CNTNAP2: variants seen among roughly 807,000 people sequenced by gnomAD.
CNTNAP2 encodes contactin associated protein 2, also known as contactin-associated protein-like 2.
Under a neutral mutation model 155.2 loss-of-function variants are expected in CNTNAP2, and 98 were observed. The observed-to-expected ratio is 0.63, with a 90% CI of 0.54 to 0.75. The LOEUF is 0.75. CNTNAP2 is among the 30% of genes least tolerant of loss of function. The pLI is 0.00. For synonymous variants in CNTNAP2, 651 were observed against 631.2 expected, an observed-to-expected ratio of 1.03 and a Z score of -0.47; for missense variants, 1,727 against 1,688.1, an observed-to-expected ratio of 1.02 and a Z score of -0.40.
intron 1 of CNTNAP2, among the ~76,000 whole-genome samples, chr7:146,566,523 G>A (rs1215545979): frequency 6.6e-6 from 1 of 151,838 alleles, no homozygotes; most frequent in African/African-American, 2.4e-5. Flanking sequence ...GTGAAACCCC[G>A]TCTCTACTAA....
At chr7:146,214,404 A>T (rs897240058) in intron 1 of CNTNAP2, among the ~76,000 whole-genome samples, 1 of 152,232 alleles carries the variant, frequency 6.6e-6, no homozygotes, top group African/African-American at 2.4e-5. Flanking sequence ...GTTTACATTT[A>T]CATACCTGGC....
intron 1 of CNTNAP2, among the ~76,000 whole-genome samples, chr7:146,154,209 A>G (rs749760929): frequency 6.6e-6 from 1 of 152,218 alleles, no homozygotes; most frequent in Non-Finnish European, 1.5e-5. Flanking sequence ...CTTCTAAAAT[A>G]GTGAAGTAAC....
chr7:146,946,051 A>AGGAAGG (rs1797163788), intron 3 of CNTNAP2, among the ~76,000 whole-genome samples: 1 of 151,194 alleles, frequency 6.6e-6, no homozygotes, highest in Non-Finnish European at 1.5e-5. Context: ...AAGATACTGA[A>AGGAAGG]AAGGAGACCC....
At chr7:146,608,809 C>G (rs1464520686) in intron 1 of CNTNAP2, among the ~76,000 whole-genome samples, 1 of 151,922 alleles carries the variant, frequency 6.6e-6, no homozygotes, top group Non-Finnish European at 1.5e-5. Context: ...GATGATCTCC[C>G]TTTTTTCTGT....
chr7:146,366,543 A>T (rs997874357), intron 1 of CNTNAP2, among the ~76,000 whole-genome samples: 12 of 152,166 alleles, frequency 7.9e-5, no homozygotes, highest in African/African-American at 2.9e-4. Flanking sequence ...ATCCTGCACA[A>T]AAAGTATTTT....
chr7:148,147,731 A>G (rs779760137), intron 17 of CNTNAP2, 22 bp downstream of exon 17: 24 of 1,606,082 alleles, frequency 1.5e-5, no homozygotes, highest in Admixed American at 8.4e-5. Context: ...AAAGGTAACC[A>G]TGGCTTCCCT....
intron 10 of CNTNAP2, among the ~76,000 whole-genome samples, chr7:147,437,895 A>C (rs939103000): frequency 1.3e-5 from 2 of 151,952 alleles, no homozygotes; most frequent in Non-Finnish European, 2.9e-5. Context: ...CATTATAGAG[A>C]TCTTTCATTT....
In CNTNAP2 at chr7:146,352,954, C is replaced by CAG. The variant is rs1180258504; in HGVS notation, c.97+235981_97+235982insAG. On this transcript the variant is annotated intron_variant, in intron 1 of 23. Coordinates refer to ENST00000361727, the MANE Select transcript of CNTNAP2 (RefSeq NM_014141.6). ...TATTTTTAGTAGAGACAGGATTTCACCCTGTTAGCCAGGATGGTCTCGATC... is the reference window on the plus strand; with the variant it reads ...TATTTTTAGTAGAGACAGGATTTCACAGCCTGTTAGCCAGGATGGTCTCGATC... Among the ~76,000 whole-genome samples, 13 of 151,640 alleles carry CAG rather than the reference C, an allele frequency of 8.6e-5. 1 individual carries two copies. The South Asian group carries it at 2.7e-3, about 32-fold the overall frequency.
chr7:146,941,865 T>A (rs1188865858), intron 3 of CNTNAP2, among the ~76,000 whole-genome samples: 4 of 152,030 alleles, frequency 2.6e-5, no homozygotes, highest in Non-Finnish European at 2.9e-5. Flanking sequence ...TCCAGTTAGG[T>A]ATATTGGAAC....
intron 1 of CNTNAP2, among the ~76,000 whole-genome samples, chr7:146,453,398 A>G (rs1796510402): frequency 1.3e-5 from 2 of 152,194 alleles, no homozygotes; most frequent in South Asian, 4.1e-4. Flanking sequence ...TCTGATCTCA[A>G]CTAACAACTT....
chr7:148,061,803 C>T (rs1029070633), intron 15 of CNTNAP2, among the ~76,000 whole-genome samples: 12 of 129,334 alleles, frequency 9.3e-5, no homozygotes, highest in Admixed American at 4.2e-4. Flanking sequence ...CTTGCTTTTA[C>T]ATGTGTGCAT....
chr7:147,810,055 A>G (rs947687255), intron 13 of CNTNAP2, among the ~76,000 whole-genome samples: 48 of 152,222 alleles, frequency 3.2e-4, no homozygotes, highest in Admixed American at 1.3e-3. Context: ...TGTGTGCTTA[A>G]AAAGAGTAAA....
In CNTNAP2 at chr7:147,488,546, A is replaced by AT. The variant is rs34680301; in HGVS notation, c.1777+2514dup. On this transcript the variant is annotated intron_variant, in intron 11 of 23. Coordinates refer to ENST00000361727, the MANE Select transcript of CNTNAP2 (RefSeq NM_014141.6). The stretch of plus-strand genomic sequence containing the variant: ...AATCATGCTAATTATTTTAAATAGT[A>AT]TTTTTTTTTAAAAAAAGCAGCTAAC... 2.2e-3 allele frequency among the ~76,000 whole-genome samples: 316 copies of AT among 140,664 alleles called. 2 individuals carry two copies. Among genetic ancestry groups the AT allele is most frequent in the South Asian group, 0.017 (76 of 4,478 alleles). The allele number at this position is 140,664 out of a possible 152,430, so 92.3% of individuals were successfully genotyped here. A position where few individuals can be genotyped will look rare whatever the true frequency, so the allele number is the denominator to read the frequency against.
intron 8 of CNTNAP2, among the ~76,000 whole-genome samples, chr7:147,206,903 A>G (rs1195769849): frequency 6.6e-6 from 1 of 152,234 alleles, no homozygotes; most frequent in Non-Finnish European, 1.5e-5. Context: ...GAGAATCAGA[A>G]GCTTACAAAA....
chr7:147,074,097 T>C (rs1299459789), intron 4 of CNTNAP2, among the ~76,000 whole-genome samples: 1 of 152,216 alleles, frequency 6.6e-6, no homozygotes, highest in East Asian at 1.9e-4. Context: ...TATTTCATTC[T>C]ATTCACCCTG....
intron 8 of CNTNAP2, among the ~76,000 whole-genome samples, chr7:147,259,166 T>C (rs1285314420): frequency 1.3e-5 from 2 of 152,220 alleles, no homozygotes; most frequent in African/African-American, 4.8e-5. Flanking sequence ...GGTACCTGGC[T>C]GTAGGCATAT....
In CNTNAP2 at chr7:146,245,061, G is replaced by A. The variant is rs189011783; in HGVS notation, c.97+128088G>A. On this transcript the variant is annotated intron_variant, in intron 1 of 23. Transcript: ENST00000361727. Reference sequence around the variant, plus strand: ...AAGGAAATGAGAGCTTCTAAGAGGCGGGCTAGTGGCTTGTACTATAGCATA... The same window carrying A: ...AAGGAAATGAGAGCTTCTAAGAGGCAGGCTAGTGGCTTGTACTATAGCATA... 9.3e-4 allele frequency among the ~76,000 whole-genome samples: 141 copies of A among 152,258 alleles called. 2 individuals carry two copies. In the South Asian group the frequency reaches 0.024, roughly 26 times the overall value.
intron 9 of CNTNAP2, 148 bp from the exon 10 acceptor site, chr7:147,395,461 C>G: frequency 1.3e-6 from 1 of 758,402 alleles, no homozygotes; most frequent in East Asian, 2.7e-5. Context: ...CAAAAAACTT[C>G]CTTTTTCTAC....
At position 146,246,388 on chromosome 7, in the gene CNTNAP2, T is replaced by TA. The variant is rs764787894; in HGVS notation, c.97+129419dup. 7.6e-4 allele frequency among the ~76,000 whole-genome samples: 114 copies of TA among 150,594 alleles called. 1 individual carries two copies. Among genetic ancestry groups the TA allele is most frequent in the Middle Eastern group, 3.4e-3 (1 of 294 alleles). On this transcript the variant is annotated intron_variant, in intron 1 of 23. Transcript: ENST00000361727. ...AGGGAACTGGGCAGGTGGGGATAACTAAAAGGAGTGCTTAAAAGAGTATTG... is the reference window on the plus strand; with the variant it reads ...AGGGAACTGGGCAGGTGGGGATAACTAAAAAGGAGTGCTTAAAAGAGTATTG...
Sources: allele counts gnomAD v4.1 joint callset (sites outside exome capture counted in the v4.1 genomes callset), GRCh38; gene constraint gnomAD v4.1.1; transcripts MANE v1.5; gene names NCBI Gene and HGNC (gene_info 2026-07-23, HGNC 2026-07-21).